EFL1: variants seen among roughly 807,000 people sequenced by gnomAD.
The protein encoded by EFL1 is elongation factor like GTPase 1.
EFL1 carries 76 observed loss-of-function variants against 126.7 expected under a neutral mutation model. The ratio of observed to expected loss-of-function variants is 0.60; its 90% CI spans 0.50 to 0.73. EFL1 has a LOEUF of 0.73. EFL1 is among the 30% of genes least tolerant of loss of function. The pLI, the probability that EFL1 is intolerant of heterozygous loss-of-function variation, is 0.00. For missense variants in EFL1, 1,128 were observed against 1,343.2 expected, an observed-to-expected ratio of 0.84 and a Z score of 2.50; for synonymous variants, 410 against 448.4, an observed-to-expected ratio of 0.91 and a Z score of 1.08.
rs181553517 is a variant in EFL1 at position 82,159,369 on chromosome 15, A to C, written c.1883-1509T>G. On this transcript the variant is annotated intron_variant, in intron 16 of 19. Transcript: ENST00000268206. ...AAATTATAAAGTAAAAACAATGGTTATCACCAAGATGAGATCCCAACAAAT... is the reference window on the plus strand; with the variant it reads ...AAATTATAAAGTAAAAACAATGGTTCTCACCAAGATGAGATCCCAACAAAT... Among the ~76,000 whole-genome samples, 8 of 152,298 alleles carry C rather than the reference A, an allele frequency of 5.3e-5. No homozygotes were observed. In the East Asian group the frequency reaches 1.3e-3, roughly 26 times the overall value.
At chr15:82,232,944 T>C (rs1231564488) in intron 7 of EFL1, among the ~76,000 whole-genome samples, 3 of 152,144 alleles carry the variant, frequency 2.0e-5, no homozygotes, top group Admixed American at 2.0e-4. Flanking sequence ...CCAGACTGTA[T>C]TATACATTAT....
At chr15:82,131,832 TCACC>T (rs2073650007) in intron 19 of EFL1, among the ~76,000 whole-genome samples, 10 of 152,094 alleles carry the variant, frequency 6.6e-5, no homozygotes, top group Non-Finnish European at 1.5e-4. Context: ...TGTATGAATT[TCACC>T]TCAGTACATT....
intron 6 of EFL1, among the ~76,000 whole-genome samples, chr15:82,240,181 C>G (rs1216051217): frequency 1.3e-5 from 2 of 152,130 alleles, no homozygotes; most frequent in Non-Finnish European, 2.9e-5. Context: ...AACCAAGATA[C>G]AGTTTTAAAC....
At chr15:82,189,670 G>A (rs1240625696) in intron 15 of EFL1, among the ~76,000 whole-genome samples, 1 of 151,730 alleles carries the variant, frequency 6.6e-6, no homozygotes, top group Admixed American at 6.6e-5. Flanking sequence ...TGTTAGTAAG[G>A]GTGTTCTTTC....
At position 82,227,453 on chromosome 15, in the gene EFL1, C is replaced by T; in HGVS notation, c.1189G>A (p.Ala397Thr). Residue 397 changes from alanine (A) to threonine (T), a missense_variant, in exon 11 of 20, where the codon GCA becomes ACA. By Grantham distance (58) the Ala-to-Thr change is moderately conservative. Transcript: ENST00000268206. ...CAACAGGTCCATCTTTCCTCACCTG[C>T]TTTCAGTGCTTGAGTTTCTGGTGGA... ...SFPPETQALK[A>T]AFMKCGSEDT... The T allele has an allele frequency of 1.9e-6, 3 of 1,614,126 alleles. No homozygotes were observed. In the South Asian group the frequency reaches 3.3e-5, roughly 18 times the overall value.
intron 16 of EFL1, among the ~76,000 whole-genome samples, chr15:82,160,253 G>A (rs1450927224): frequency 6.6e-6 from 1 of 152,228 alleles, no homozygotes; most frequent in Admixed American, 6.5e-5. Flanking sequence ...TCCCCAGCCA[G>A]CACCAACTTG....
At chr15:82,239,749 C>T (rs944017553) in intron 6 of EFL1, among the ~76,000 whole-genome samples, 4 of 152,170 alleles carry the variant, frequency 2.6e-5, no homozygotes, top group African/African-American at 7.2e-5. Context: ...CTTTGCCCAT[C>T]GTATTCCTTC....
At chr15:82,224,620 A>G (rs1198454798) in intron 12 of EFL1, among the ~76,000 whole-genome samples, 2 of 152,236 alleles carry the variant, frequency 1.3e-5, no homozygotes, top group Non-Finnish European at 2.9e-5. Context: ...AACAATATCC[A>G]CAAGAGATGA....
At chr15:82,168,534 G>T (rs77360948) in intron 15 of EFL1, among the ~76,000 whole-genome samples, 1 of 152,118 alleles carries the variant, frequency 6.6e-6, no homozygotes, top group Non-Finnish European at 1.5e-5. Context: ...TTTTTGAGAC[G>T]GAATCTCGCC....
chr15:82,173,353 T>TA (rs2074157324), intron 15 of EFL1, among the ~76,000 whole-genome samples: 1 of 152,178 alleles, frequency 6.6e-6, no homozygotes, highest in African/African-American at 2.4e-5. Context: ...AAGACAAACT[T>TA]ACACAGCAAG....
At chr15:82,156,343 G>A (rs1464289413) in intron 17 of EFL1, among the ~76,000 whole-genome samples, 1 of 152,164 alleles carries the variant, frequency 6.6e-6, no homozygotes, top group Non-Finnish European at 1.5e-5. Flanking sequence ...CTACAGTGCA[G>A]TGGTGTGATC....
intron 19 of EFL1, among the ~76,000 whole-genome samples, chr15:82,137,344 T>A (rs1032821950): frequency 6.6e-5 from 10 of 152,150 alleles, no homozygotes; most frequent in African/African-American, 2.4e-4. Flanking sequence ...AGCTAAATCA[T>A]GAGTTCTGCT....
intron 19 of EFL1, among the ~76,000 whole-genome samples, chr15:82,136,687 T>G (rs999844318): frequency 6.6e-6 from 1 of 152,226 alleles, no homozygotes; most frequent in Non-Finnish European, 1.5e-5. Flanking sequence ...CTTACTTGGT[T>G]TGTGTTCTTA....
At chr15:82,201,058 T>C (rs1055230600) in intron 15 of EFL1, among the ~76,000 whole-genome samples, 2 of 152,226 alleles carry the variant, frequency 1.3e-5, no homozygotes, top group Non-Finnish European at 2.9e-5. Context: ...CTATTGTTTG[T>C]AGAAACGGGG....
intron 18 of EFL1, among the ~76,000 whole-genome samples, chr15:82,146,449 T>C (rs2073846596): frequency 2.0e-5 from 3 of 151,974 alleles, no homozygotes; most frequent in Admixed American, 2.0e-4. Flanking sequence ...GGTGTTGATT[T>C]AGAAAGAAAA....
At chr15:82,232,865 T>TCA (rs2074836356) in intron 7 of EFL1, among the ~76,000 whole-genome samples, 2 of 152,164 alleles carry the variant, frequency 1.3e-5, no homozygotes, top group Non-Finnish European at 2.9e-5. Context: ...ACAACTGTTT[T>TCA]GATCAGTTAG....
chr15:82,147,195 T>C (rs1401261336), intron 18 of EFL1, among the ~76,000 whole-genome samples: 4 of 152,038 alleles, frequency 2.6e-5, no homozygotes, highest in Non-Finnish European at 5.9e-5. Context: ...AAAGGACAAA[T>C]GCCACTCCAA....
intron 12 of EFL1, among the ~76,000 whole-genome samples, chr15:82,224,621 C>T (rs2074742958): frequency 6.6e-6 from 1 of 152,126 alleles, no homozygotes; most frequent in Admixed American, 6.5e-5. Context: ...ACAATATCCA[C>T]AAGAGATGAT....
intron 15 of EFL1, among the ~76,000 whole-genome samples, chr15:82,204,108 G>C (rs2074499991): frequency 6.6e-6 from 1 of 151,882 alleles, no homozygotes; most frequent in Admixed American, 6.6e-5. Context: ...GTTATGAAAG[G>C]ACATTTCACC....
Sources: gnomAD v4.1 joint callset for allele counts (sites outside exome capture counted in the v4.1 genomes callset) on GRCh38, gnomAD v4.1.1 for gene constraint, MANE v1.5 for transcripts, NCBI Gene and HGNC (gene_info 2026-07-23, HGNC 2026-07-21) for gene names.